Variants in GPC6 observed in about 807,000 individuals in gnomAD.
GPC6 encodes glypican 6, also known as glypican-6.
GPC6 carries 14 observed loss-of-function variants against 55.2 expected under a neutral mutation model. That is an observed-to-expected ratio of 0.25 (90% CI 0.17 to 0.40). The LOEUF (loss-of-function observed/expected upper bound fraction) is 0.40. GPC6 is among the 10% of genes least tolerant of loss of function. GPC6 has a pLI of 1.00. For synonymous variants in GPC6, 278 were observed against 259.6 expected (o/e 1.07, Z -0.68); for missense variants, 641 against 708.5 (o/e 0.90, Z 1.08).
chr13:94,369,715 G>A (rs1454937648), intron 6 of GPC6, among the ~76,000 whole-genome samples: 1 of 151,988 alleles, frequency 6.6e-6, no homozygotes, highest in Non-Finnish European at 1.5e-5. Flanking sequence ...ATCCTAATTA[G>A]AAGATTGGGG....
chr13:93,707,934 G>A (rs1307377876), intron 2 of GPC6, among the ~76,000 whole-genome samples: 1 of 151,544 alleles, frequency 6.6e-6, no homozygotes, highest in African/African-American at 2.4e-5. Flanking sequence ...ATCAACAAAG[G>A]GAAATAATAT....
intron 4 of GPC6, among the ~76,000 whole-genome samples, chr13:94,252,107 C>A (rs1431138533): frequency 6.6e-6 from 1 of 152,066 alleles, no homozygotes; most frequent in Non-Finnish European, 1.5e-5. Flanking sequence ...CCTTGGGTGG[C>A]CTTCAATGTC....
chr13:93,474,732 G>C (rs1879243157), intron 1 of GPC6, among the ~76,000 whole-genome samples: 1 of 152,202 alleles, frequency 6.6e-6, no homozygotes, highest in East Asian at 1.9e-4. Flanking sequence ...GGTCCTTGCA[G>C]TCTGTCCGGG....
At chr13:94,063,765 C>G (rs767565172) in intron 4 of GPC6, among the ~76,000 whole-genome samples, 7 of 152,078 alleles carry the variant, frequency 4.6e-5, no homozygotes, top group Non-Finnish European at 7.4e-5. Flanking sequence ...ATTGTTTTCT[C>G]CAGAGTTGTT....
chr13:93,413,443 G>A (rs180699458), intron 1 of GPC6, among the ~76,000 whole-genome samples: 65 of 152,174 alleles, frequency 4.3e-4, no homozygotes, highest in African/African-American at 1.1e-3. Context: ...ATATAACTGC[G>A]TGTGAGATTG....
chr13:94,307,614 C>T (rs1876019174), intron 6 of GPC6, among the ~76,000 whole-genome samples: 2 of 152,198 alleles, frequency 1.3e-5, no homozygotes, highest in African/African-American at 4.8e-5. Context: ...TGCTCAGCGG[C>T]TTACATCTAT....
intron 3 of GPC6, among the ~76,000 whole-genome samples, chr13:93,852,382 C>G (rs28460048): frequency 6.6e-6 from 1 of 151,682 alleles, no homozygotes; most frequent in Non-Finnish European, 1.5e-5. Context: ...TCTCTGTATT[C>G]TCTCCAAAGT....
At position 93,594,152 on chromosome 13, in the gene GPC6, A is replaced by AT. The variant is rs766999691; in HGVS notation, c.319+48742dup. Among the ~76,000 whole-genome samples the AT allele has an allele frequency of 5.0e-3, 732 of 147,484 alleles. 3 individuals carry two copies. Among genetic ancestry groups the AT allele is most frequent in the Non-Finnish European group, 7.4e-3 (495 of 66,482 alleles). On this transcript the variant is annotated intron_variant, in intron 2 of 8. Transcript: ENST00000377047. The stretch of plus-strand genomic sequence containing the variant: ...TTTTTTCTATATATGACTTTATTTT[A>AT]TTTTTTTTTTTACTTTTTATTTTTA...
At chr13:93,803,522 T>C (rs1886443647) in intron 2 of GPC6, among the ~76,000 whole-genome samples, 1 of 152,192 alleles carries the variant, frequency 6.6e-6, no homozygotes, top group Non-Finnish European at 1.5e-5. Context: ...AAAAATAGTT[T>C]GGCAGTTCCT....
chr13:94,126,156 G>A (rs1886801038), intron 4 of GPC6, among the ~76,000 whole-genome samples: 2 of 152,074 alleles, frequency 1.3e-5, no homozygotes, highest in Admixed American at 1.3e-4. Flanking sequence ...GAGGCAGGAG[G>A]ATCACTTTGA....
intron 4 of GPC6, among the ~76,000 whole-genome samples, chr13:94,086,484 A>G (rs1885287471): frequency 6.6e-6 from 1 of 152,192 alleles, no homozygotes; most frequent in African/African-American, 2.4e-5. Flanking sequence ...GACTAAAAAA[A>G]AAAAAATCTG....
chr13:93,592,735 G>C (rs1299120543), intron 2 of GPC6, among the ~76,000 whole-genome samples: 3 of 151,846 alleles, frequency 2.0e-5, no homozygotes, highest in Non-Finnish European at 1.5e-5. Context: ...ACAAATTTGG[G>C]ACCAGAAATT....
intron 1 of GPC6, among the ~76,000 whole-genome samples, chr13:93,384,533 T>A (rs1348939289): frequency 6.6e-6 from 1 of 152,170 alleles, no homozygotes; most frequent in South Asian, 2.1e-4. Flanking sequence ...GTGAAACTCA[T>A]AAAATTTGCC....
At chr13:93,392,601 A>C (rs1279314150) in intron 1 of GPC6, among the ~76,000 whole-genome samples, 1 of 152,228 alleles carries the variant, frequency 6.6e-6, no homozygotes, top group Non-Finnish European at 1.5e-5. Context: ...GCTCAGCATC[A>C]TACTTCCTGC....
chr13:94,084,554 A>G (rs147787698), intron 4 of GPC6, among the ~76,000 whole-genome samples: 3 of 152,090 alleles, frequency 2.0e-5, no homozygotes, highest in African/African-American at 4.8e-5. Context: ...TGTCAGTTAA[A>G]TGCTCCATAT....
Position 94,342,998 on chromosome 13 carries a change from A to G in GPC6, c.1152+36875A>G, listed in dbSNP as rs115198777. ...GAGGTTTTTCACAAATTAAACTGGA[A>G]AACATATCTGAAAATCTCATGCCCT... On this transcript the variant is annotated intron_variant, in intron 6 of 8. Coordinates refer to ENST00000377047, the MANE Select transcript of GPC6 (RefSeq NM_005708.5). Among the ~76,000 whole-genome samples the G allele has an allele frequency of 3.5e-3, 528 of 152,318 alleles. 8 individuals carry two copies. Among genetic ancestry groups the G allele is most frequent in the African/African-American group, 0.012 (505 of 41,572 alleles).
chr13:93,378,052 A>T (rs988176332), intron 1 of GPC6, among the ~76,000 whole-genome samples: 1 of 152,232 alleles, frequency 6.6e-6, no homozygotes, highest in African/African-American at 2.4e-5. Context: ...ATTCAAAATC[A>T]TGGCCTTGCT....
chr13:93,899,113 A>G (rs985424681), intron 3 of GPC6, among the ~76,000 whole-genome samples: 26 of 151,676 alleles, frequency 1.7e-4, no homozygotes, highest in African/African-American at 5.1e-4. Context: ...CTGGGCAACC[A>G]CTCAGATTTA....
intron 4 of GPC6, among the ~76,000 whole-genome samples, chr13:94,208,176 C>T (rs1281554065): frequency 6.6e-6 from 1 of 152,268 alleles, no homozygotes; most frequent in South Asian, 2.1e-4. Context: ...AAAAAGACAT[C>T]ATTCTTGCGT....
Sources: gnomAD v4.1 joint callset for allele counts (sites outside exome capture counted in the v4.1 genomes callset) on GRCh38, gnomAD v4.1.1 for gene constraint, MANE v1.5 for transcripts, NCBI Gene and HGNC (gene_info 2026-07-23, HGNC 2026-07-21) for gene names.